The following TRPM1 variants were observed in gnomAD, a reference collection of about 807,000 sequenced individuals.
TRPM1 encodes the protein transient receptor potential cation channel subfamily M member 1.
A neutral mutation model predicts 149.4 loss-of-function variants in TRPM1; 113 were observed. The observed-to-expected ratio is 0.76, with a 90% CI of 0.65 to 0.88. The LOEUF (loss-of-function observed/expected upper bound fraction) is 0.88. Among genes scored for constraint, TRPM1 ranks in the 40% least tolerant of loss-of-function variants. The pLI, the probability that TRPM1 is intolerant of heterozygous loss-of-function variation, is 0.00. For synonymous variants in TRPM1, 741 were observed against 759.5 expected, an observed-to-expected ratio of 0.98 and a Z score of 0.40; for missense variants, 1,976 against 2,038.7, an observed-to-expected ratio of 0.97 and a Z score of 0.59.
intron 18 of TRPM1, among the ~76,000 whole-genome samples, chr15:31,038,485 G>T: frequency 6.6e-6 from 1 of 152,228 alleles, no homozygotes; most frequent in East Asian, 1.9e-4. Flanking sequence ...GGCCAAGGTT[G>T]GTGGCTCATA....
chr15:31,033,088 G>A (rs968432403), intron 21 of TRPM1, 148 bp from the exon 22 acceptor site: 37 of 1,073,474 alleles, frequency 3.4e-5, no homozygotes, highest in Non-Finnish European at 4.7e-5. Context: ...TTCTCAGGCA[G>A]GGAGAGATAT....
intron 1 of TRPM1, among the ~76,000 whole-genome samples, chr15:31,091,187 G>C (rs1481119649): frequency 6.6e-6 from 1 of 152,254 alleles, no homozygotes; most frequent in Non-Finnish European, 1.5e-5. Context: ...TGGGATGGCA[G>C]AGCTGAGAGT....
chr15:31,020,486 C>G (rs2032517667), intron 27 of TRPM1, among the ~76,000 whole-genome samples: 1 of 152,230 alleles, frequency 6.6e-6, no homozygotes, highest in Non-Finnish European at 1.5e-5. Context: ...GTCATGGGAA[C>G]CACACTGACC....
intron 1 of TRPM1, among the ~76,000 whole-genome samples, chr15:31,151,842 C>T (rs1276601610): frequency 2.0e-5 from 3 of 152,216 alleles, no homozygotes; most frequent in African/African-American, 7.2e-5. Flanking sequence ...CATTCCCTGT[C>T]CTCCCACCTC....
intron 1 of TRPM1, among the ~76,000 whole-genome samples, chr15:31,117,780 A>G (rs1443461006): frequency 1.3e-5 from 2 of 152,198 alleles, no homozygotes; most frequent in Non-Finnish European, 2.9e-5. Flanking sequence ...AGACATAATC[A>G]AAAGGAAAAA....
At chr15:31,141,903 T>C (rs1477706458) in intron 1 of TRPM1, among the ~76,000 whole-genome samples, 4 of 152,160 alleles carry the variant, frequency 2.6e-5, no homozygotes, top group Non-Finnish European at 5.9e-5. Flanking sequence ...TGAAGCCAGT[T>C]GTCTAATTAA....
intron 3 of TRPM1, chr15:31,070,575 T>C (rs1410701672): frequency 2.8e-5 from 13 of 471,510 alleles, no homozygotes; most frequent in Non-Finnish European, 4.1e-6. Flanking sequence ...ACCTTCCAGA[T>C]TTTTCTTTCT....
intron 27 of TRPM1, among the ~76,000 whole-genome samples, chr15:31,021,763 C>T (rs1202419821): frequency 2.0e-5 from 3 of 150,402 alleles, no homozygotes; most frequent in Admixed American, 1.3e-4. Flanking sequence ...GACAAGAAAC[C>T]ACTTAATCCA....
chr15:31,132,082 G>T (rs1236355171), intron 1 of TRPM1, among the ~76,000 whole-genome samples: 2 of 152,178 alleles, frequency 1.3e-5, no homozygotes, highest in African/African-American at 2.4e-5. Context: ...CAGCTGTTAC[G>T]CCGTGTTCTG....
At chr15:31,026,593 A>T (rs1029711081) in intron 26 of TRPM1, among the ~76,000 whole-genome samples, 2 of 152,146 alleles carry the variant, frequency 1.3e-5, no homozygotes, top group Non-Finnish European at 2.9e-5. Context: ...TTATTTTCTC[A>T]TTTTCTTTAG....
chr15:31,113,915 A>ATTCCC (rs1264226562), intron 1 of TRPM1, among the ~76,000 whole-genome samples: 1 of 151,922 alleles, frequency 6.6e-6, no homozygotes, highest in Non-Finnish European at 1.5e-5. Context: ...GGCAGCTTTT[A>ATTCCC]TTCCCTTATT....
chr15:31,027,858 T>C (rs935441054), intron 25 of TRPM1, among the ~76,000 whole-genome samples: 4 of 152,232 alleles, frequency 2.6e-5, no homozygotes, highest in African/African-American at 9.6e-5. Flanking sequence ...GCAGGTTTTA[T>C]AAGAAACTCG....
intron 11 of TRPM1, among the ~76,000 whole-genome samples, chr15:31,059,022 G>A (rs577716664): frequency 1.3e-5 from 2 of 152,324 alleles, no homozygotes; most frequent in South Asian, 4.1e-4. Flanking sequence ...TGCAGAGGCT[G>A]TAGTGAGCTG....
At chr15:31,091,050 A>T (rs1211601386) in intron 1 of TRPM1, among the ~76,000 whole-genome samples, 1 of 152,122 alleles carries the variant, frequency 6.6e-6, no homozygotes, top group Non-Finnish European at 1.5e-5. Flanking sequence ...TTAGCTGATA[A>T]AAAAAAGTGC....
intron 11 of TRPM1, 130 bp from the exon 12 acceptor site, chr15:31,050,712 C>G (rs777022008): frequency 9.3e-6 from 9 of 965,470 alleles, no homozygotes; most frequent in Non-Finnish European, 1.1e-5. Flanking sequence ...TGTACATGTG[C>G]ACACCCACAC....
At chr15:31,060,122 G>GACACACACATAC (rs1434827711) in intron 11 of TRPM1, 13 of 329,482 alleles carry the variant, frequency 3.9e-5, no homozygotes, top group Admixed American at 2.3e-4. Flanking sequence ...CACACATACA[G>GACACACACATAC]ACACACACAT....
At chr15:31,161,079 A>T in exon 1 of TRPM1, 4 of 1,000,510 alleles carry the variant, frequency 4.0e-6, no homozygotes, top group Non-Finnish European at 6.0e-6. Context: ...GCAGCCCCAC[A>T]CTCGGCGGCA....
chr15:31,080,495 C>T (rs917027937), intron 2 of TRPM1, among the ~76,000 whole-genome samples: 1 of 152,138 alleles, frequency 6.6e-6, no homozygotes, highest in African/African-American at 2.4e-5. Context: ...TGAGGGCCAT[C>T]CTACGAAATA....
chr15:31,064,600 G>A (rs1251953545), intron 7 of TRPM1, among the ~76,000 whole-genome samples: 1 of 152,282 alleles, frequency 6.6e-6, no homozygotes, highest in East Asian at 1.9e-4. Context: ...TTAGTTGATC[G>A]ATATTAACTA....
Sources: allele counts gnomAD v4.1 joint callset (sites outside exome capture counted in the v4.1 genomes callset), GRCh38; gene constraint gnomAD v4.1.1; transcripts MANE v1.5; gene names NCBI Gene and HGNC (gene_info 2026-07-23, HGNC 2026-07-21).